The following SESTD1 variants were observed in gnomAD, a reference collection of about 807,000 sequenced individuals.
The protein encoded by SESTD1 is SEC14 and spectrin domain containing 1.
A neutral mutation model predicts 101.7 loss-of-function variants in SESTD1; 43 were observed. The ratio of observed to expected loss-of-function variants is 0.42; its 90% confidence interval spans 0.33 to 0.55. The LOEUF (loss-of-function observed/expected upper bound fraction) is 0.55. SESTD1 is among the 20% of genes least tolerant of loss of function. The pLI, the probability that SESTD1 is intolerant of heterozygous loss-of-function variation, is 0.07. For missense variants in SESTD1, 647 were observed against 815.1 expected (o/e 0.79, Z 2.51); for synonymous variants, 283 against 286.8 (o/e 0.99, Z 0.13).
At chr2:179,154,487 A>G (rs547766671) in intron 5 of SESTD1, among the ~76,000 whole-genome samples, 1 of 152,344 alleles carries the variant, frequency 6.6e-6, no homozygotes, top group South Asian at 2.1e-4. Context: ...TAATGAAGTA[A>G]GAGATCTAGA....
intron 2 of SESTD1, among the ~76,000 whole-genome samples, chr2:179,190,677 T>A (rs984119886): frequency 2.0e-5 from 3 of 151,850 alleles, no homozygotes; most frequent in Admixed American, 1.3e-4. Flanking sequence ...ATGAACTTAA[T>A]CAATTCAACA....
At chr2:179,260,325 T>C (rs567412497) in intron 1 of SESTD1, among the ~76,000 whole-genome samples, 8 of 152,260 alleles carry the variant, frequency 5.3e-5, no homozygotes, top group African/African-American at 1.9e-4. Context: ...AGACCAGCCT[T>C]GGCAACATTG....
chr2:179,162,822 T>TAA (rs33960106), intron 5 of SESTD1, among the ~76,000 whole-genome samples: 154 of 137,030 alleles, frequency 1.1e-3, no homozygotes, highest in Middle Eastern at 3.8e-3. Context: ...TCGTCTCTAG[T>TAA]AAAAAAAAAA....
intron 17 of SESTD1, among the ~76,000 whole-genome samples, chr2:179,110,850 T>C (rs933877045): frequency 2.0e-5 from 3 of 152,198 alleles, no homozygotes; most frequent in African/African-American, 7.2e-5. Flanking sequence ...GAGATATACA[T>C]AAGTTTTAAT....
chr2:179,116,278 A>C (rs2154393812), intron 15 of SESTD1, among the ~76,000 whole-genome samples: 1 of 148,044 alleles, frequency 6.8e-6, no homozygotes, highest in African/African-American at 2.6e-5. Flanking sequence ...TGTCTTAAAA[A>C]AAAAAAAAAA....
intron 9 of SESTD1, among the ~76,000 whole-genome samples, chr2:179,139,604 C>T (rs529946016): frequency 2.6e-5 from 4 of 152,110 alleles, no homozygotes; most frequent in Admixed American, 6.5e-5. Flanking sequence ...CATTATGAAT[C>T]GTTAAGTTTT....
At chr2:179,187,418 A>C (rs1264162837) in intron 2 of SESTD1, among the ~76,000 whole-genome samples, 1 of 152,232 alleles carries the variant, frequency 6.6e-6, no homozygotes, top group South Asian at 2.1e-4. Context: ...TGAGCCCAGG[A>C]GTTTGAAACT....
chr2:179,176,410 A>G (rs2046012674), intron 4 of SESTD1, 38 bp downstream of exon 4: 2 of 1,503,016 alleles, frequency 1.3e-6, no homozygotes, highest in Non-Finnish European at 1.8e-6. Context: ...GTTGCTGTAA[A>G]ATAAAAACCA....
chr2:179,124,705 A>G, intron 10 of SESTD1, 147 bp from the exon 11 acceptor site: 1 of 660,882 alleles, frequency 1.5e-6, no homozygotes, highest in Non-Finnish European at 2.6e-6. Context: ...GAAAGTTCCT[A>G]ATCCTGTGAT....
chr2:179,192,367 C>G (rs551637677), intron 1 of SESTD1, among the ~76,000 whole-genome samples: 1 of 152,220 alleles, frequency 6.6e-6, no homozygotes, highest in South Asian at 2.1e-4. Context: ...TTTCTGATTT[C>G]TCATATTTTT....
In SESTD1 at chr2:179,163,559, T is replaced by TTA. The variant is rs1020187824; in HGVS notation, c.369+8559_369+8560dup. Among the ~76,000 whole-genome samples, 24 of 148,196 alleles carry TTA rather than the reference T, an allele frequency of 1.6e-4. 1 individual carries two copies. Among genetic ancestry groups the TTA allele is most frequent in the South Asian group, 4.2e-4 (2 of 4,774 alleles). On this transcript the variant is annotated intron_variant, in intron 5 of 17. Coordinates refer to ENST00000428443, the MANE Select transcript of SESTD1 (RefSeq NM_178123.5). ...GGGAACAAGAATAAAAATATGTATATTATATATATATATAAAAGAAGGAAA... is the reference window on the plus strand; with the variant it reads ...GGGAACAAGAATAAAAATATGTATATTATATATATATATATAAAAGAAGGAAA...
At chr2:179,165,304 G>A (rs1191142391) in intron 5 of SESTD1, among the ~76,000 whole-genome samples, 1 of 152,162 alleles carries the variant, frequency 6.6e-6, no homozygotes, top group Non-Finnish European at 1.5e-5. Context: ...CATCAAGGTA[G>A]ACAGAAATTC....
chr2:179,206,416 T>C (rs1358201696), intron 1 of SESTD1, among the ~76,000 whole-genome samples: 1 of 136,114 alleles, frequency 7.3e-6, no homozygotes, highest in Non-Finnish European at 1.6e-5. Context: ...GGAGAAGAAT[T>C]TAATCTTACA....
At chr2:179,236,044 C>T (rs992036335) in intron 1 of SESTD1, among the ~76,000 whole-genome samples, 1 of 152,142 alleles carries the variant, frequency 6.6e-6, no homozygotes, top group African/African-American at 2.4e-5. Flanking sequence ...TCTCCCTCCT[C>T]AGTGCTACCA....
chr2:179,132,533 A>G (rs2045035052), intron 9 of SESTD1, 107 bp from the exon 10 acceptor site: 1 of 1,280,656 alleles, frequency 7.8e-7, no homozygotes, highest in South Asian at 1.5e-5. Context: ...TTTTTAATGT[A>G]AATTATTTAC....
At chr2:179,213,369 C>T (rs1450429855) in intron 1 of SESTD1, among the ~76,000 whole-genome samples, 1 of 133,810 alleles carries the variant, frequency 7.5e-6, no homozygotes, top group Non-Finnish European at 1.6e-5. Context: ...CTTCAATAGC[C>T]GATTCGATCA....
intron 12 of SESTD1, 142 bp from the exon 13 acceptor site, chr2:179,122,071 A>AGGT: frequency 3.3e-6 from 2 of 601,764 alleles, no homozygotes; most frequent in Non-Finnish European, 5.1e-6. Flanking sequence ...TGGAATCCCA[A>AGGT]GACTCCATCC....
At chr2:179,111,930 A>G (rs930996012) in intron 17 of SESTD1, among the ~76,000 whole-genome samples, 1 of 152,140 alleles carries the variant, frequency 6.6e-6, no homozygotes, top group African/African-American at 2.4e-5. Flanking sequence ...CGTGTTAGCC[A>G]GGATGGTCTC....
chr2:179,128,043 C>G (rs1228212069), intron 10 of SESTD1, among the ~76,000 whole-genome samples: 4 of 152,158 alleles, frequency 2.6e-5, no homozygotes, highest in Admixed American at 1.3e-4. Flanking sequence ...TCAGAGCTAC[C>G]AGCATTAGAC....
Sources: gnomAD v4.1 joint callset for allele counts (sites outside exome capture counted in the v4.1 genomes callset) on GRCh38, gnomAD v4.1.1 for gene constraint, MANE v1.5 for transcripts, NCBI Gene and HGNC (gene_info 2026-07-23, HGNC 2026-07-21) for gene names.